The following ESR1 variants were observed in gnomAD, a reference collection of about 807,000 sequenced individuals.
ESR1 encodes estrogen receptor.
In ESR1, 12 loss-of-function variants were observed where a neutral mutation model predicts 52.7. The observed-to-expected ratio is 0.23, with a 90% confidence interval of 0.15 to 0.37. The LOEUF (loss-of-function observed/expected upper bound fraction) is 0.37. Ranked by LOEUF, ESR1 falls within the 10% of genes least tolerant of loss-of-function variation. ESR1 has a pLI of 1.00. For missense variants in ESR1, 584 were observed against 779.7 expected, an observed-to-expected ratio of 0.75 and a Z score of 2.99; for synonymous variants, 305 against 316.8, an observed-to-expected ratio of 0.96 and a Z score of 0.39.
chr6:151,889,352 C>G (rs1454934240), intron 3 of ESR1, among the ~76,000 whole-genome samples: 1 of 152,134 alleles, frequency 6.6e-6, no homozygotes, highest in Non-Finnish European at 1.5e-5. Context: ...AGCTATTGGT[C>G]TGGTCAGACT....
intron 4 of ESR1, among the ~76,000 whole-genome samples, chr6:152,011,029 T>G (rs1440645407): frequency 6.6e-6 from 1 of 152,184 alleles, no homozygotes; most frequent in East Asian, 1.9e-4. Context: ...TTTAATCTCC[T>G]AGTTCACCAT....
At position 152,101,248 on chromosome 6, in the gene ESR1, A is replaced by G. The variant is rs988339822; in HGVS notation, c.*2282A>G. On this transcript the variant is annotated 3_prime_UTR_variant, in exon 8 of 8. Coordinates refer to ENST00000206249, the MANE Select transcript of ESR1 (RefSeq NM_000125.4). ...AGCAAAGATTATGCCTGAAAAGGAA[A>G]ATTATTCAGGGCAGCTAATTTTGCT... The G allele has an allele frequency of 8.6e-6, 2 of 232,302 alleles. No individual in the cohort carries two copies. The highest frequency in any genetic ancestry group is 4.4e-5 in the African/African-American group (2 of 45,298). 14.4% of individuals were successfully genotyped at this position (232,302 alleles called of 1,614,324 possible).
In ESR1 at chr6:152,078,014, A is replaced by C. The variant is rs555568568; in HGVS notation, c.1370-16371A>C. On this transcript the variant is annotated intron_variant, in intron 6 of 7. Coordinates refer to ENST00000206249, the MANE Select transcript of ESR1 (RefSeq NM_000125.4). ...AAATGTGAGGACATGAGATTTGGAG[A>C]GGCCAGGGGTGGAATGTTATGGTTT... Among the ~76,000 whole-genome samples the C allele has an allele frequency of 5.3e-5, 8 of 152,194 alleles. No individual in the cohort carries two copies. In the South Asian group the frequency reaches 1.7e-3, roughly 32 times the overall value.
At chr6:151,707,765 C>T (rs995572024) in intron 2 of ESR1, among the ~76,000 whole-genome samples, 1 of 151,896 alleles carries the variant, frequency 6.6e-6, no homozygotes, top group Admixed American at 6.6e-5. Context: ...TAGAAGTTCT[C>T]TTTAAAAATT....
rs568254349 is a variant in ESR1, at chr6:151,854,214, T to C, written c.643+11427T>C. Among the ~76,000 whole-genome samples the C allele has an allele frequency of 1.3e-4, 20 of 152,340 alleles. No homozygotes were observed. The South Asian group carries it at 3.3e-3, about 25-fold the overall frequency. On this transcript the variant is annotated intron_variant, in intron 2 of 7. Transcript: ENST00000206249. ...TTATCTTGTAACCTGCTTGCCTGGC[T>C]ATTTGGCTGAAAAATAACAACATGT...
intron 2 of ESR1, among the ~76,000 whole-genome samples, chr6:151,847,448 G>A (rs938606759): frequency 8.0e-5 from 12 of 150,886 alleles, no homozygotes; most frequent in Non-Finnish European, 1.5e-4. Context: ...GGTGTGAGAT[G>A]ATATCTCATA....
intron 2 of ESR1, among the ~76,000 whole-genome samples, chr6:151,719,768 T>C (rs1172957758): frequency 6.6e-6 from 1 of 152,182 alleles, no homozygotes; most frequent in Admixed American, 6.5e-5. Context: ...GTTTTATGAA[T>C]TTTTCTTCCC....
intron 1 of ESR1, among the ~76,000 whole-genome samples, chr6:151,809,611 G>T (rs1562428322): frequency 6.6e-6 from 1 of 152,166 alleles, no homozygotes. Context: ...TGTTTCCAGG[G>T]ATATTTATAG....
intron 4 of ESR1, among the ~76,000 whole-genome samples, chr6:151,948,439 A>C (rs1364304506): frequency 3.9e-5 from 6 of 152,176 alleles, no homozygotes; most frequent in Non-Finnish European, 7.3e-5. Flanking sequence ...AGCCTCATGA[A>C]CTGCTGCTGG....
chr6:151,838,670 T>G (rs1459944737), intron 1 of ESR1, among the ~76,000 whole-genome samples: 2 of 152,216 alleles, frequency 1.3e-5, no homozygotes, highest in East Asian at 3.9e-4. Context: ...TAAATAACAT[T>G]TTGACAGTCT....
intron 3 of ESR1, among the ~76,000 whole-genome samples, chr6:151,933,672 T>G (rs2033991431): frequency 6.6e-6 from 1 of 152,212 alleles, no homozygotes; most frequent in Admixed American, 6.5e-5. Context: ...GAAGAGTTGT[T>G]GAATTTTGTC....
Position 151,808,120 on chromosome 6 carries a change from G to C in ESR1, c.208G>C (p.Ala70Pro). 1 of 1,610,732 alleles carries C rather than the reference G, an allele frequency of 6.2e-7. No homozygotes were observed. The highest frequency in any genetic ancestry group is 8.5e-7 in the Non-Finnish European group (1 of 1,179,002). Residue 70 changes from alanine (A) to proline (P), a missense_variant, in exon 1 of 8, where the codon GCG becomes CCG. Ala to Pro is a conservative substitution (Grantham distance 27). This residue lies in a region of ESR1 where 251 missense variants were observed against 246.1 expected (regional missense o/e 1.02). Transcript: ENST00000206249. ...YEFNAAAAAN[A>P]QVYGQTGLPY... ...GTTCAACGCCGCGGCCGCCGCCAAC[G>C]CGCAGGTCTACGGTCAGACCGGCCT...
intron 2 of ESR1, among the ~76,000 whole-genome samples, chr6:151,719,587 G>T (rs1246204408): frequency 1.3e-5 from 2 of 152,124 alleles, no homozygotes; most frequent in Non-Finnish European, 1.5e-5. Flanking sequence ...TGCTGGGGCA[G>T]GTGAACTGCT....
At chr6:152,105,775 CTT>C (rs71017522), downstream of ESR1, among the ~76,000 whole-genome samples, 6 of 79,432 alleles carry the variant, frequency 7.6e-5, no homozygotes, top group Non-Finnish European at 1.3e-4. Context: ...CAGTATGCAT[CTT>C]TTTTTTTTTT....
At position 151,712,792 on chromosome 6, in the gene ESR1, A is replaced by T. The variant is rs1426106240; in HGVS notation, c.-71+10787A>T. ...ATCATGTCATCTGCAAACAGAGACA[A>T]TTTAACTTCCTCTCTTCCTATTTGA... On this transcript the variant is annotated intron_variant, in intron 2 of 2. Transcript: ENST00000404742. Among the ~76,000 whole-genome samples the T allele has an allele frequency of 2.0e-5, 3 of 152,306 alleles. No homozygotes were observed. The East Asian group carries it at 5.8e-4, about 29-fold the overall frequency.
intron 2 of ESR1, among the ~76,000 whole-genome samples, chr6:151,768,639 G>A (rs1785253868): frequency 1.3e-5 from 2 of 152,080 alleles, no homozygotes; most frequent in South Asian, 2.1e-4. Context: ...GCTGCTATAT[G>A]CAACTTACTC....
intron 6 of ESR1, among the ~76,000 whole-genome samples, chr6:152,086,280 G>T (rs375460682): frequency 6.6e-6 from 1 of 151,628 alleles, no homozygotes; most frequent in African/African-American, 2.4e-5. Flanking sequence ...TGAAAAGAAG[G>T]CTCCTAAGGA....
chr6:151,918,242 A>T (rs2030792425), intron 3 of ESR1, among the ~76,000 whole-genome samples: 1 of 152,214 alleles, frequency 6.6e-6, no homozygotes, highest in African/African-American at 2.4e-5. Flanking sequence ...GGAGCCTGGG[A>T]TGAAGGAGAA....
At chr6:151,708,735 A>G (rs1008634593) in intron 2 of ESR1, among the ~76,000 whole-genome samples, 1 of 151,994 alleles carries the variant, frequency 6.6e-6, no homozygotes, top group Non-Finnish European at 1.5e-5. Flanking sequence ...TCCTTGACCT[A>G]TTTCTCCCTT....
Sources: gnomAD v4.1 joint callset for allele counts (sites outside exome capture counted in the v4.1 genomes callset) on GRCh38, gnomAD v4.1.1 for gene constraint, gnomAD v4.1.1 regional missense constraint, MANE v1.5 for transcripts, NCBI Gene and HGNC (gene_info 2026-07-23, HGNC 2026-07-21) for gene names.